The following DACH1 variants were observed in gnomAD, a reference collection of about 807,000 sequenced individuals.
The protein encoded by DACH1 is dachshund homolog 1.
A neutral mutation model predicts 54.2 loss-of-function variants in DACH1; 12 were observed. That is an observed-to-expected ratio of 0.22 (90% CI 0.14 to 0.36). The LOEUF (loss-of-function observed/expected upper bound fraction) is 0.36. Among genes scored for constraint, DACH1 ranks in the 10% least tolerant of loss-of-function variants. The pLI, the probability that DACH1 is intolerant of heterozygous loss-of-function variation, is 1.00. For missense variants in DACH1, 805 were observed against 929.8 expected (o/e 0.87, Z 1.75); for synonymous variants, 386 against 366.2 (o/e 1.05, Z -0.62).
chr13:71,660,027 T>C (rs1187103627), intron 2 of DACH1, among the ~76,000 whole-genome samples: 2 of 152,152 alleles, frequency 1.3e-5, no homozygotes, highest in East Asian at 3.9e-4. Flanking sequence ...GAATAATATT[T>C]TGGTCAACCA....
At chr13:71,648,221 G>C (rs1878430029) in intron 2 of DACH1, among the ~76,000 whole-genome samples, 1 of 152,148 alleles carries the variant, frequency 6.6e-6, no homozygotes, top group African/African-American at 2.4e-5. Context: ...TCATCTTTGA[G>C]CTATATCAAA....
intron 3 of DACH1, among the ~76,000 whole-genome samples, chr13:71,609,246 T>A (rs1230805055): frequency 6.6e-6 from 1 of 152,206 alleles, no homozygotes; most frequent in Non-Finnish European, 1.5e-5. Context: ...ATCATCCATA[T>A]CTCTAGTCCA....
intron 2 of DACH1, among the ~76,000 whole-genome samples, chr13:71,669,971 C>A (rs555431886): frequency 2.4e-4 from 36 of 149,476 alleles, no homozygotes; most frequent in African/African-American, 8.4e-4. Context: ...CAATAAATGT[C>A]TTTTAAAGAA....
At chr13:71,686,427 T>A (rs925498237) in intron 1 of DACH1, among the ~76,000 whole-genome samples, 1 of 152,166 alleles carries the variant, frequency 6.6e-6, no homozygotes, top group Non-Finnish European at 1.5e-5. Flanking sequence ...CCTTAGTTTA[T>A]AACACTAAAT....
chr13:71,726,524 T>A (rs1472062525), intron 1 of DACH1, among the ~76,000 whole-genome samples: 1 of 152,086 alleles, frequency 6.6e-6, no homozygotes, highest in East Asian at 1.9e-4. Flanking sequence ...AAAGTGATTT[T>A]TTTGTCATCC....
chr13:71,450,132 C>T lies in DACH1; in HGVS notation c.2084-9440G>A, dbSNP rs183894025. ...GTTTGATAAGGTACAGGCTTACCTC[C>T]TTTTATTTTGCTTCATTTTATTGTG... On this transcript the variant is annotated intron_variant, in intron 10 of 10. Coordinates refer to ENST00000613252, the MANE Select transcript of DACH1 (RefSeq NM_080759.6). 5.5e-4 allele frequency among the ~76,000 whole-genome samples: 80 copies of T among 146,348 alleles called. 2 individuals carry two copies. The East Asian group carries it at 0.014, about 26-fold the overall frequency.
chr13:71,694,411 G>C (rs1334263577), intron 1 of DACH1, among the ~76,000 whole-genome samples: 1 of 152,140 alleles, frequency 6.6e-6, no homozygotes, highest in East Asian at 1.9e-4. Context: ...GCTGTTTCCA[G>C]CCTGCAGAGA....
rs562939911 is a variant in DACH1 at position 71,500,844 on chromosome 13, C to G, written c.1571-11696G>C. Among the ~76,000 whole-genome samples, 22 of 152,038 alleles carry G rather than the reference C, an allele frequency of 1.4e-4. No homozygotes were observed. The South Asian group carries it at 4.6e-3, about 32-fold the overall frequency. ...GCCTAGGGAGTCATGCCCTACAAAT[C>G]ATAGAATCTACTTAAAAAGTGGTTT... On this transcript the variant is annotated intron_variant, in intron 6 of 10. Transcript: ENST00000613252.
chr13:71,516,868 A>C (rs1273656585), intron 6 of DACH1, among the ~76,000 whole-genome samples: 1 of 151,622 alleles, frequency 6.6e-6, no homozygotes, highest in African/African-American at 2.4e-5. Context: ...AACCAAGGAA[A>C]GTTAAAATAT....
intron 1 of DACH1, among the ~76,000 whole-genome samples, chr13:71,834,345 G>A (rs1044062856): frequency 6.6e-6 from 1 of 151,978 alleles, no homozygotes; most frequent in Non-Finnish European, 1.5e-5. Context: ...GGTTATGAGG[G>A]AAGCACACAC....
intron 10 of DACH1, among the ~76,000 whole-genome samples, chr13:71,445,509 C>A (rs1874373493): frequency 6.6e-6 from 1 of 152,106 alleles, no homozygotes; most frequent in African/African-American, 2.4e-5. Flanking sequence ...ATAAAATAGA[C>A]CCCACCTGTC....
intron 3 of DACH1, among the ~76,000 whole-genome samples, chr13:71,613,346 C>T (rs932614754): frequency 6.6e-6 from 1 of 152,136 alleles, no homozygotes; most frequent in Non-Finnish European, 1.5e-5. Flanking sequence ...GAGGAGCATT[C>T]CACTTTATGC....
At chr13:71,839,670 C>T (rs1594286053) in intron 1 of DACH1, among the ~76,000 whole-genome samples, 1 of 152,080 alleles carries the variant, frequency 6.6e-6, no homozygotes, top group African/African-American at 2.4e-5. Flanking sequence ...TCTAGGGCTT[C>T]TGCCCTAACT....
At chr13:71,478,261 C>CGTATA (rs1877746733) in intron 8 of DACH1, among the ~76,000 whole-genome samples, 1 of 152,208 alleles carries the variant, frequency 6.6e-6, no homozygotes, top group South Asian at 2.1e-4. Context: ...CTGTGCTATA[C>CGTATA]ATCTGAGATG....
chr13:71,672,130 C>G (rs1439078166), intron 2 of DACH1, among the ~76,000 whole-genome samples: 3 of 152,026 alleles, frequency 2.0e-5, no homozygotes, highest in Non-Finnish European at 4.4e-5. Context: ...CAAAATAGTA[C>G]TGTTCTTTCC....
At chr13:71,738,761 AGACAGAAAACTATCAAATGCTCAAG>A (rs1884254127) in intron 1 of DACH1, among the ~76,000 whole-genome samples, 1 of 143,570 alleles carries the variant, frequency 7.0e-6, no homozygotes, top group Non-Finnish European at 1.5e-5. Context: ...AAAAAAAAAA[AGACAGAAAACTATCAAATGCTCAAG>A]AAAAAAAAAC....
chr13:71,450,043 C>A (rs1399384368), intron 10 of DACH1, among the ~76,000 whole-genome samples: 3 of 151,976 alleles, frequency 2.0e-5, no homozygotes, highest in Non-Finnish European at 4.4e-5. Flanking sequence ...ACGTTGTGCA[C>A]ATGTACCCTA....
At chr13:71,795,193 T>TTTTG (rs909070678) in intron 1 of DACH1, among the ~76,000 whole-genome samples, 1 of 152,142 alleles carries the variant, frequency 6.6e-6, no homozygotes, top group Non-Finnish European at 1.5e-5. Context: ...AAATGTTTTT[T>TTTTG]TTTGTTTGTT....
chr13:71,639,607 T>C (rs966918305), intron 2 of DACH1, among the ~76,000 whole-genome samples: 1 of 152,028 alleles, frequency 6.6e-6, no homozygotes, highest in African/African-American at 2.4e-5. Flanking sequence ...GACATCAGAT[T>C]TAGCATTCTT....
Sources: allele counts gnomAD v4.1 joint callset (sites outside exome capture counted in the v4.1 genomes callset), GRCh38; gene constraint gnomAD v4.1.1; transcripts MANE v1.5; gene names NCBI Gene and HGNC (gene_info 2026-07-23, HGNC 2026-07-21).